Variants in TMEM131 observed in about 807,000 individuals in gnomAD.
The protein encoded by TMEM131 is 2610524E03Rik.
Under a neutral mutation model 211.6 loss-of-function variants are expected in TMEM131, and 66 were observed. The ratio of observed to expected loss-of-function variants is 0.31; its 90% CI spans 0.26 to 0.38. The LOEUF (loss-of-function observed/expected upper bound fraction) is 0.38, where lower values mean the gene tolerates loss of function less well. Ranked by LOEUF, TMEM131 falls within the 10% of genes least tolerant of loss-of-function variation. TMEM131 has a pLI of 1.00. For synonymous variants in TMEM131, 844 were observed against 841.3 expected (o/e 1.00, Z -0.06); for missense variants, 2,036 against 2,299.3 (o/e 0.89, Z 2.34).
chr2:97,911,881 C>T (rs1289152628), intron 2 of TMEM131, among the ~76,000 whole-genome samples: 1 of 152,060 alleles, frequency 6.6e-6, no homozygotes, highest in African/African-American at 2.4e-5. Flanking sequence ...ATAAACATAT[C>T]TTAAAAGTAT....
chr2:97,831,664 C>CTTTT (rs11378393), intron 11 of TMEM131, among the ~76,000 whole-genome samples: 1,411 of 80,572 alleles, frequency 0.018, 169 homozygotes, highest in African/African-American at 0.025. Context: ...TCACATACCT[C>CTTTT]TTTTTTTTTT....
chr2:97,931,617 G>GT (rs1428857434), intron 1 of TMEM131, among the ~76,000 whole-genome samples: 2 of 152,230 alleles, frequency 1.3e-5, no homozygotes, highest in Non-Finnish European at 2.9e-5. Context: ...GTGGGGGGTG[G>GT]TATCAGGCAT....
chr2:97,990,420 T>G (rs1468410275), intron 1 of TMEM131, among the ~76,000 whole-genome samples: 1 of 152,176 alleles, frequency 6.6e-6, no homozygotes, highest in Non-Finnish European at 1.5e-5. Context: ...AAAATCTAAT[T>G]CCTGAAGTGC....
intron 4 of TMEM131, among the ~76,000 whole-genome samples, chr2:97,859,632 T>C (rs778107114): frequency 7.2e-5 from 11 of 152,320 alleles, no homozygotes; most frequent in Non-Finnish European, 1.2e-4. Flanking sequence ...TCACGTACAG[T>C]GCCAGGTGCT....
intron 40 of TMEM131, among the ~76,000 whole-genome samples, chr2:97,758,604 G>A (rs1678643165): frequency 6.6e-6 from 1 of 152,242 alleles, no homozygotes; most frequent in Non-Finnish European, 1.5e-5. Context: ...AGGTTGGGAA[G>A]AGGCAGAAAA....
intron 2 of TMEM131, among the ~76,000 whole-genome samples, chr2:97,912,201 T>A (rs76499625): frequency 0.018 from 2,707 of 152,230 alleles, 116 homozygotes; most frequent in East Asian, 0.15. Context: ...AAAACTGTTA[T>A]AATTCGACAG....
chr2:97,961,669 C>G (rs111916986), intron 1 of TMEM131, among the ~76,000 whole-genome samples: 2 of 152,262 alleles, frequency 1.3e-5, no homozygotes, highest in African/African-American at 4.8e-5. Context: ...TAATACAGAA[C>G]TGACAAAATG....
intron 3 of TMEM131, among the ~76,000 whole-genome samples, chr2:97,894,849 G>A (rs2104300378): frequency 6.6e-6 from 1 of 152,190 alleles, no homozygotes; most frequent in East Asian, 1.9e-4. Flanking sequence ...TTTCCTATTT[G>A]AATACTCTTT....
chr2:97,987,275 G>A (rs1215509053), intron 1 of TMEM131, among the ~76,000 whole-genome samples: 1 of 152,198 alleles, frequency 6.6e-6, no homozygotes, highest in African/African-American at 2.4e-5. Flanking sequence ...CACTTTGGGA[G>A]GCCAAGTCAG....
chr2:97,919,981 T>C (rs995399866), intron 2 of TMEM131, among the ~76,000 whole-genome samples: 10 of 152,220 alleles, frequency 6.6e-5, no homozygotes, highest in African/African-American at 2.4e-4. Context: ...ACCTATGTAC[T>C]CTGGGATCAA....
chr2:97,794,065 T>C (rs1428685840), intron 29 of TMEM131, among the ~76,000 whole-genome samples: 1 of 150,610 alleles, frequency 6.6e-6, no homozygotes, highest in Non-Finnish European at 1.5e-5. Flanking sequence ...AGTTTTTCTC[T>C]TTCTTTCTTT....
intron 3 of TMEM131, among the ~76,000 whole-genome samples, chr2:97,891,676 G>C (rs1270014243): frequency 1.3e-5 from 2 of 152,096 alleles, no homozygotes; most frequent in Non-Finnish European, 2.9e-5. Context: ...TGGGCTTCTT[G>C]GGTCTCTGGG....
chr2:97,799,914 ATT>A (rs1178033812), intron 25 of TMEM131, among the ~76,000 whole-genome samples: 1 of 152,232 alleles, frequency 6.6e-6, no homozygotes, highest in Non-Finnish European at 1.5e-5. Context: ...CTACCTGTCT[ATT>A]AAGTCAGGGA....
intron 10 of TMEM131, 125 bp from the exon 11 acceptor site, chr2:97,833,551 T>C (rs1195171807): frequency 3.5e-6 from 2 of 576,220 alleles, no homozygotes; most frequent in East Asian, 3.4e-5. Flanking sequence ...ATAAGATTAA[T>C]AAAAAGAAAC....
chr2:97,905,986 T>C (rs2104357574), intron 3 of TMEM131, among the ~76,000 whole-genome samples: 1 of 152,308 alleles, frequency 6.6e-6, no homozygotes, highest in South Asian at 2.1e-4. Context: ...GTTGATGAAA[T>C]GACAAAATGC....
In TMEM131 at chr2:97,888,111, G is replaced by T; in HGVS notation, c.300C>A (p.Leu100=). ...GTATGGGCCTGCAATTCCCCCGGTA[G>T]AGAGATATACTGTAAATAAAAAGAA... The part of the protein sequence containing the change: ...LSSYQQKSIS[L]YRGNCRPIRF... The change falls in exon 4 of 41, where the codon CTC becomes CTA. Residue 100 remains leucine, a synonymous_variant. Coordinates refer to ENST00000186436, the MANE Select transcript of TMEM131 (RefSeq NM_015348.2). 1 of 1,612,892 alleles carries T rather than the reference G, an allele frequency of 6.2e-7. No individual in the cohort carries two copies. Among genetic ancestry groups the T allele is most frequent in the Non-Finnish European group, 8.5e-7 (1 of 1,179,052 alleles).
At chr2:97,880,424 C>A (rs1674878479) in intron 4 of TMEM131, among the ~76,000 whole-genome samples, 1 of 152,054 alleles carries the variant, frequency 6.6e-6, no homozygotes, top group Non-Finnish European at 1.5e-5. Flanking sequence ...AAGTGGCAGG[C>A]ATATGGTAAC....
intron 5 of TMEM131, among the ~76,000 whole-genome samples, chr2:97,859,073 C>T (rs1406113448): frequency 1.3e-5 from 2 of 152,146 alleles, no homozygotes; most frequent in East Asian, 1.9e-4. Flanking sequence ...TGTAAGAATG[C>T]TACCTTTTTC....
At chr2:97,798,397 T>C (rs1284932455) in intron 25 of TMEM131, among the ~76,000 whole-genome samples, 1 of 152,266 alleles carries the variant, frequency 6.6e-6, no homozygotes, top group Non-Finnish European at 1.5e-5. Flanking sequence ...GGGTGCATTT[T>C]GTATTGTTTT....
Sources: gnomAD v4.1 joint callset for allele counts (sites outside exome capture counted in the v4.1 genomes callset) on GRCh38, gnomAD v4.1.1 for gene constraint, MANE v1.5 for transcripts, NCBI Gene and HGNC (gene_info 2026-07-23, HGNC 2026-07-21) for gene names.